EIF4E3: variants seen among roughly 807,000 people sequenced by gnomAD.
EIF4E3 encodes the protein eukaryotic translation initiation factor 4E family member 3, also known as eukaryotic translation initiation factor 4E type 3.
In EIF4E3, 26 loss-of-function variants were observed where a neutral mutation model predicts 31.7. That is an observed-to-expected ratio of 0.82 (90% CI 0.60 to 1.14). EIF4E3 has a LOEUF of 1.14. EIF4E3 is among the 50% of genes most tolerant of loss of function. EIF4E3 has a pLI of 0.00. For synonymous variants in EIF4E3, 128 were observed against 107.7 expected (o/e 1.19, Z -1.17); for missense variants, 304 against 270.9 (o/e 1.12, Z -0.86).
the EIF4E3 span, among the ~76,000 whole-genome samples, chr3:71,660,747 G>C: frequency 6.6e-6 from 1 of 152,156 alleles, no homozygotes; most frequent in East Asian, 1.9e-4. Flanking sequence ...GACAGACACC[G>C]AAGCCCAAAA....
chr3:71,670,574 T>C (rs2048842691), downstream of EIF4E3, among the ~76,000 whole-genome samples: 1 of 152,196 alleles, frequency 6.6e-6, no homozygotes, highest in African/African-American at 2.4e-5. Flanking sequence ...GCTACTGGTA[T>C]TGTTTTTGTT....
chr3:71,725,451 CCGCCCCGCG>C (rs967424367), upstream of EIF4E3: 4 of 852,554 alleles, frequency 4.7e-6, no homozygotes, highest in South Asian at 5.2e-5. This position sits in a 1 kb window ranked among gnomAD's most constrained non-coding sequence, Gnocchi z 6.1. Flanking sequence ...CCGCCCCGCC[CCGCCCCGCG>C]CGCCCCGCCC....
rs939055653 is a variant in EIF4E3 at position 71,684,545 on chromosome 3, T to G, written c.*137A>C. 5.3e-5 allele frequency: 46 copies of G among 862,546 alleles called. No individual in the cohort carries two copies. The highest frequency in any genetic ancestry group is 8.0e-5 in the Non-Finnish European group (45 of 563,578). 53.4% of individuals were successfully genotyped at this position (862,546 alleles called of 1,614,324 possible). On this transcript the variant is annotated 3_prime_UTR_variant, in exon 7 of 7. Transcript: ENST00000425534. Reference sequence around the variant, plus strand: ...CCCACCTGCCACTTTGAGTCCTAATTGCCCATCTGCAAGGACAGAAACCCA... The same window carrying G: ...CCCACCTGCCACTTTGAGTCCTAATGGCCCATCTGCAAGGACAGAAACCCA...
At chr3:71,736,856 C>T (rs73090637) in intron 1 of EIF4E3, among the ~76,000 whole-genome samples, 10,936 of 152,036 alleles carry the variant, frequency 0.072, 502 homozygotes, top group Non-Finnish European at 0.098. Context: ...AAAAATGCAC[C>T]CATCTGGTGT....
chr3:71,702,580 G>A (rs988384470), intron 2 of EIF4E3, among the ~76,000 whole-genome samples: 2 of 152,088 alleles, frequency 1.3e-5, no homozygotes, highest in African/African-American at 4.8e-5. Context: ...GATTCTGCTT[G>A]GCTTGGCAAA....
chr3:71,678,122 T>G lies in EIF4E3; in HGVS notation c.*6560A>C, dbSNP rs1238618711. 6.6e-6 allele frequency: 1 copy of G among 152,200 alleles called. No homozygotes were observed. Among genetic ancestry groups the G allele is most frequent in the African/African-American group, 2.4e-5 (1 of 41,460 alleles). 9.4% of individuals were successfully genotyped at this position (152,200 alleles called of 1,614,324 possible). A position where few individuals can be genotyped will look rare whatever the true frequency, so the allele number is the denominator to read the frequency against. On this transcript the variant is annotated 3_prime_UTR_variant, in exon 7 of 7. Coordinates refer to ENST00000425534, the MANE Select transcript of EIF4E3 (RefSeq NM_001134651.2). ...GTGTTGGACAGAAACTTTTAATATG[T>G]GTTGTAATAAACAAGGTTATTCTAA...
At chr3:71,697,850 T>C (rs2049160950) in intron 3 of EIF4E3, among the ~76,000 whole-genome samples, 1 of 152,228 alleles carries the variant, frequency 6.6e-6, no homozygotes, top group Non-Finnish European at 1.5e-5. Context: ...ATCTTGGCTC[T>C]TGTGAATGGT....
chr3:71,693,878 C>T lies in EIF4E3; in HGVS notation c.469G>A (p.Ala157Thr). Reference protein sequence around the residue: ...IGEQFTDCAAADDEVIGVSVS... With the variant: ...IGEQFTDCAATDDEVIGVSVS... ...CCGGAGCCGTGGGCTGCTTTACCTG[C>T]TGCGGCACAGTCTGTGAACTGTTCC... is the stretch of plus-strand genomic sequence containing the variant. The change falls in exon 5 of 7, where the codon GCA becomes ACA. Residue 157 changes from alanine (A) to threonine (T), a missense_variant. By Grantham distance (58) the Ala-to-Thr change is moderately conservative. Transcript: ENST00000425534. 1 of 1,569,412 alleles carries T rather than the reference C, an allele frequency of 6.4e-7. No individual in the cohort carries two copies. Among genetic ancestry groups the T allele is most frequent in the South Asian group, 1.2e-5 (1 of 85,450 alleles).
chr3:71,702,707 C>G (rs1351972712), intron 2 of EIF4E3, among the ~76,000 whole-genome samples: 1 of 141,562 alleles, frequency 7.1e-6, no homozygotes, highest in Non-Finnish European at 1.5e-5. Context: ...TCCGGTCACA[C>G]CATTAAAAAA....
intron 6 of EIF4E3, among the ~76,000 whole-genome samples, chr3:71,686,270 A>G (rs957586374): frequency 1.6e-4 from 25 of 152,144 alleles, no homozygotes; most frequent in Non-Finnish European, 2.9e-4. Flanking sequence ...GATTACAGGC[A>G]TGAACCACTG....
At chr3:71,691,203 T>A (rs976570942) in intron 5 of EIF4E3, among the ~76,000 whole-genome samples, 19 of 152,290 alleles carry the variant, frequency 1.2e-4, no homozygotes, top group Admixed American at 1.2e-3. Flanking sequence ...ATGAGAAAAT[T>A]TTGCTTTAGT....
chr3:71,686,501 G>C (rs1342133677), intron 6 of EIF4E3, among the ~76,000 whole-genome samples: 1 of 151,256 alleles, frequency 6.6e-6, no homozygotes, highest in Non-Finnish European at 1.5e-5. Context: ...TAATTTAATA[G>C]AACATTTCTC....
upstream of EIF4E3, among the ~76,000 whole-genome samples, chr3:71,729,664 C>T (rs566638352): frequency 2.6e-5 from 4 of 152,276 alleles, no homozygotes; most frequent in South Asian, 2.1e-4. Flanking sequence ...AAATGTCAGG[C>T]GTTCATTCAT....
the EIF4E3 span, among the ~76,000 whole-genome samples, chr3:71,659,795 C>A: frequency 6.6e-6 from 1 of 152,094 alleles, no homozygotes; most frequent in East Asian, 1.9e-4. Context: ...TATTTGAGTA[C>A]GAGATAGTCA....
chr3:71,722,493 A>G (rs2049567427), intron 1 of EIF4E3, among the ~76,000 whole-genome samples: 1 of 152,218 alleles, frequency 6.6e-6, no homozygotes, highest in Non-Finnish European at 1.5e-5. Context: ...CATAACCCAG[A>G]GTGGCTTCCA....
chr3:71,705,361 C>G (rs180941460), intron 2 of EIF4E3, among the ~76,000 whole-genome samples: 1 of 152,274 alleles, frequency 6.6e-6, no homozygotes, highest in East Asian at 1.9e-4. Context: ...GATATGAAGT[C>G]TTGATATTAT....
At chr3:71,689,904 T>C in intron 6 of EIF4E3, 106 bp downstream of exon 6, 8 of 1,115,924 alleles carry the variant, frequency 7.2e-6, no homozygotes, top group Non-Finnish European at 8.3e-6. Flanking sequence ...TTCTGAATTA[T>C]CAAATTTCAA....
chr3:71,751,088 C>T (rs911981797), intron 1 of EIF4E3, among the ~76,000 whole-genome samples: 3 of 151,160 alleles, frequency 2.0e-5, no homozygotes, highest in Non-Finnish European at 4.4e-5. Context: ...TAAAAATTAG[C>T]GGGGCATGGT....
At chr3:71,696,650 T>C in intron 3 of EIF4E3, 130 bp from the exon 4 acceptor site, 1 of 1,068,372 alleles carries the variant, frequency 9.4e-7, no homozygotes, top group Non-Finnish European at 1.4e-6. Flanking sequence ...TGGGCATTTT[T>C]CTTATTTTTG....
Sources: gnomAD v4.1 joint callset for allele counts (sites outside exome capture counted in the v4.1 genomes callset) on GRCh38, gnomAD v4.1.1 for gene constraint, Gnocchi (gnomAD v3.1) non-coding constraint, MANE v1.5 for transcripts, NCBI Gene and HGNC (gene_info 2026-07-23, HGNC 2026-07-21) for gene names.